Variants in COL9A3 observed in about 807,000 individuals in gnomAD.
The protein encoded by COL9A3 is collagen type IX alpha 3 chain.
Under a neutral mutation model 110.2 loss-of-function variants are expected in COL9A3, and 82 were observed. The observed-to-expected ratio is 0.74, with a 90% CI of 0.62 to 0.89. COL9A3 has a LOEUF of 0.89. Among genes scored for constraint, COL9A3 ranks in the 40% least tolerant of loss-of-function variants. The pLI is 0.00. For synonymous variants in COL9A3, 494 were observed against 403.8 expected (o/e 1.22, Z -2.68); for missense variants, 1,066 against 981.3 (o/e 1.09, Z -1.15).
At chr20:62,826,482 G>C (rs2063553965) in intron 14 of COL9A3, among the ~76,000 whole-genome samples, 1 of 152,266 alleles carries the variant, frequency 6.6e-6, no homozygotes, top group Non-Finnish European at 1.5e-5. Context: ...GCGGTCCCAG[G>C]CTGCTGTGAG....
Position 62,817,129 on chromosome 20 carries a change from C to T in COL9A3, c.65C>T (p.Ala22Val), listed in dbSNP as rs1210488582. The T allele has an allele frequency of 3.6e-6, 5 of 1,398,446 alleles. No individual in the cohort carries two copies. Among genetic ancestry groups the T allele is most frequent in the Non-Finnish European group, 4.7e-6 (5 of 1,070,656 alleles). The allele number at this position is 1,398,446 out of a possible 1,614,324, so 86.6% of individuals were successfully genotyped here. A position where few individuals can be genotyped will look rare whatever the true frequency, so the allele number is the denominator to read the frequency against. Residue 22 changes from alanine (A) to valine (V), a missense_variant, in exon 1 of 32, where the codon GCC (alanine) becomes GTC (valine). Coordinates refer to ENST00000649368, the MANE Select transcript of COL9A3 (RefSeq NM_001853.4). ...CTCCTGCTCGGGGAGCTTCTGGCGG[C>T]CGCCGGGGCGCAGGTGAGCGCGAGC... ...LLLLLGELLA[A>V]AGAQRVGLPG...
intron 2 of COL9A3, 145 bp from the exon 3 acceptor site, chr20:62,818,373 G>T: frequency 1.3e-6 from 1 of 792,054 alleles, no homozygotes; most frequent in Non-Finnish European, 2.2e-6. Context: ...CTCTAGGTAG[G>T]GATCGGGGGC....
At chr20:62,824,255 G>T (rs144016403) in intron 10 of COL9A3, among the ~76,000 whole-genome samples, 190 bp from the exon 11 acceptor site, 1 of 143,478 alleles carries the variant, frequency 7.0e-6, no homozygotes, top group Non-Finnish European at 1.6e-5. Context: ...TCATCTGTGC[G>T]GAGTGGCCTC....
At chr20:62,820,209 A>G (rs946917228) in intron 5 of COL9A3, among the ~76,000 whole-genome samples, 17 of 152,086 alleles carry the variant, frequency 1.1e-4, no homozygotes, top group Admixed American at 2.6e-4. Flanking sequence ...TGGTATCCAG[A>G]CCATGGCAGG....
Position 62,824,445 on chromosome 20 carries a change from T to C in COL9A3, c.520T>C (p.Cys174Arg). The C allele has an allele frequency of 6.2e-7, 1 of 1,601,406 alleles. No homozygotes were observed. Among genetic ancestry groups the C allele is most frequent in the Non-Finnish European group, 8.5e-7 (1 of 1,174,574 alleles). ...VLPEGATDLQCPSICPPGPPG... is the reference protein window; with the variant it reads ...VLPEGATDLQRPSICPPGPPG... ...GTCTGACTGCTCTGTTTTCCGACAG[T>C]GCCCAAGTATCTGCCCGCCAGGTCC... Residue 174 changes from cysteine (C) to arginine (R), a missense_variant and splice_region_variant, in exon 11 of 32, where the codon TGC becomes CGC. Physicochemically the swap from Cys to Arg is radical, Grantham distance 180. Transcript: ENST00000649368.
chr20:62,826,211 G>A lies in COL9A3; in HGVS notation c.692G>A (p.Arg231Gln), dbSNP rs756660482. The A allele has an allele frequency of 1.1e-5, 17 of 1,561,830 alleles. No individual in the cohort carries two copies. The highest frequency in any genetic ancestry group is 1.8e-4 in the Middle Eastern group (1 of 5,708). Residue 231 changes from arginine (R) to glutamine (Q), a missense_variant, in exon 14 of 32, where the codon CGG becomes CAG. Arg to Gln is a conservative substitution (Grantham distance 43). Transcript: ENST00000649368. ...TGTGCCTCTCTCTCGCAGGGCCCCC[G>A]GGGATTACGAGGACTGCCAGGGCCA... ...LPGSVGLQGP[R>Q]GLRGLPGPLG... is the part of the protein sequence containing the mutation.
chr20:62,821,571 A>G (rs1399555972), intron 7 of COL9A3, 41 bp downstream of exon 7: 1 of 1,612,498 alleles, frequency 6.2e-7, no homozygotes, highest in South Asian at 1.1e-5. Flanking sequence ...CAAGCACGCA[A>G]GTCCCGAGAG....
chr20:62,823,823 G>A (rs1303685109), intron 10 of COL9A3, among the ~76,000 whole-genome samples: 1 of 152,262 alleles, frequency 6.6e-6, no homozygotes, highest in East Asian at 1.9e-4. Context: ...AAGGCCCCCT[G>A]CAGTGCCGGC....
intron 11 of COL9A3, 49 bp from the exon 12 acceptor site, chr20:62,824,919 G>A (rs777813580): frequency 5.1e-6 from 8 of 1,570,070 alleles, no homozygotes; most frequent in Non-Finnish European, 6.1e-6. Flanking sequence ...TGCCAGGGAG[G>A]GGGTGTCGGG....
intron 24 of COL9A3, chr20:62,831,867 C>T (rs1021827562): frequency 9.6e-6 from 5 of 519,166 alleles, no homozygotes; most frequent in South Asian, 4.3e-5. Flanking sequence ...CGGAATTATC[C>T]TGCAATTGTG....
In COL9A3 at chr20:62,826,220, G is replaced by C. The variant is rs150885737; in HGVS notation, c.701G>C (p.Arg234Pro). 197 of 1,562,694 alleles carry C rather than the reference G, an allele frequency of 1.3e-4. No individual in the cohort carries two copies. The African/African-American group carries it at 2.3e-3, about 18-fold the overall frequency. ...CTCTCGCAGGGCCCCCGGGGATTAC[G>C]AGGACTGCCAGGGCCACTCGGGCCC... ...SVGLQGPRGL[R>P]GLPGPLGPPG... Residue 234 changes from arginine (R) to proline (P), a missense_variant, in exon 14 of 32, where the codon CGA (arginine) becomes CCA (proline). Coordinates refer to ENST00000649368, the MANE Select transcript of COL9A3 (RefSeq NM_001853.4).
intron 25 of COL9A3, 135 bp from the exon 26 acceptor site, chr20:62,832,885 C>G (rs2147221788): frequency 3.5e-6 from 3 of 851,286 alleles, no homozygotes; most frequent in Middle Eastern, 2.3e-4. Flanking sequence ...AAAGGCAGCC[C>G]TGGGGCCTGG....
At chr20:62,829,410 G>T (rs777172533) in intron 19 of COL9A3, 45 bp from the exon 20 acceptor site, 1 of 1,611,702 alleles carries the variant, frequency 6.2e-7, no homozygotes, top group South Asian at 1.1e-5. Context: ...TGCTGCCGGC[G>T]TGCAATGTAA....
At chr20:62,836,416 G>T in intron 28 of COL9A3, 62 bp from the exon 29 acceptor site, 1 of 1,613,722 alleles carries the variant, frequency 6.2e-7, no homozygotes, top group Non-Finnish European at 8.5e-7. Flanking sequence ...GCGGGGTGAC[G>T]GTGGGAATGC....
intron 26 of COL9A3, among the ~76,000 whole-genome samples, chr20:62,835,222 A>C (rs998669015): frequency 1.3e-5 from 2 of 152,222 alleles, no homozygotes; most frequent in African/African-American, 4.8e-5. Context: ...CAGCTTGGGT[A>C]GTTTACAAGG....
In COL9A3 at chr20:62,826,790, G is replaced by T. The variant is rs745871843; in HGVS notation, c.762G>T (p.Pro254=). ...AGGGTCCCATTGGGTTCCGAGGGCC[G>T]CCTGGGATCCCAGGAGCGCCTGGGA... ...GDRGPIGFRG[P]PGIPGAPGKA... The change falls in exon 15 of 32, where the codon CCG becomes CCT. Residue 254 remains proline, a synonymous_variant. Coordinates refer to ENST00000649368, the MANE Select transcript of COL9A3 (RefSeq NM_001853.4). The T allele has an allele frequency of 1.2e-6, 2 of 1,612,770 alleles. No homozygotes were observed. Among genetic ancestry groups the T allele is most frequent in the South Asian group, 1.1e-5 (1 of 91,080 alleles).
intron 19 of COL9A3, among the ~76,000 whole-genome samples, 165 bp downstream of exon 19, chr20:62,829,141 G>A (rs1435843081): frequency 6.6e-6 from 1 of 152,218 alleles, no homozygotes; most frequent in Non-Finnish European, 1.5e-5. Context: ...CCCAGTGGGT[G>A]CTGTGGACGG....
chr20:62,837,163 CCT>C lies in COL9A3; in HGVS notation c.1685_1686del (p.Pro562ArgfsTer38). 6.2e-7 allele frequency: 1 copy of C among 1,613,004 alleles called. No individual in the cohort carries two copies. The highest frequency in any genetic ancestry group is 2.2e-5 in the East Asian group (1 of 44,874). On this transcript the variant is annotated frameshift_variant, in exon 30 of 32. Transcript: ENST00000649368. LOFTEE classifies it high-confidence loss of function. The stretch of plus-strand genomic sequence containing the variant: ...TGGTCGGCCCGGTCCAGCTGGCCCC[CCT>C]GGGCCCCCAGGACCCCCAGGCTCCA... The part of the protein sequence containing the change: ...SIGRPGPAGP[P>X]GPPGPPGSIG...
In COL9A3 at chr20:62,836,724, C is replaced by G. The variant is rs561569019; in HGVS notation, c.1603+192C>G. On this transcript the variant is annotated intron_variant, in intron 29 of 31. Transcript: ENST00000649368. ...GCCTGTCCTCTGCGCTAGAGGATGG[C>G]CCACGCTCCCGCCCCGGATTCAACC... 1.1e-3 allele frequency: 750 copies of G among 656,922 alleles called. 1 individual carries two copies. The highest frequency in any genetic ancestry group is 1.6e-3 in the Non-Finnish European group (601 of 387,650). 40.7% of individuals were successfully genotyped at this position (656,922 alleles called of 1,614,324 possible).
Sources: gnomAD v4.1 joint callset for allele counts (sites outside exome capture counted in the v4.1 genomes callset) on GRCh38, gnomAD v4.1.1 for gene constraint, MANE v1.5 for transcripts, NCBI Gene and HGNC (gene_info 2026-07-23, HGNC 2026-07-21) for gene names.